HRH2: variants seen among roughly 807,000 people sequenced by gnomAD.
HRH2 encodes histamine H2 receptor.
In HRH2, 4 loss-of-function variants were observed where a neutral mutation model predicts 20.1. The observed-to-expected ratio is 0.20, with a 90% CI of 0.10 to 0.45. HRH2 has a LOEUF of 0.45. Among genes scored for constraint, HRH2 ranks in the 20% least tolerant of loss-of-function variants. HRH2 has a pLI of 0.99. For missense variants in HRH2, 250 were observed against 461.6 expected, an observed-to-expected ratio of 0.54 and a Z score of 4.20; for synonymous variants, 197 against 200.7, an observed-to-expected ratio of 0.98 and a Z score of 0.16.
At chr5:175,699,435 C>T (rs1756721277) in intron 2 of HRH2, among the ~76,000 whole-genome samples, 1 of 152,216 alleles carries the variant, frequency 6.6e-6, no homozygotes, top group African/African-American at 2.4e-5. Flanking sequence ...CTTCCATTTC[C>T]TCTTAAAGGA....
At chr5:175,661,610 G>A (rs1762739788) in intron 1 of HRH2, among the ~76,000 whole-genome samples, 1 of 152,158 alleles carries the variant, frequency 6.6e-6, no homozygotes, top group African/African-American at 2.4e-5. Flanking sequence ...TTTAATCAGG[G>A]ATCACAGAGA....
At chr5:175,685,617 C>A in intron 2 of HRH2, 1 of 722,074 alleles carries the variant, frequency 1.4e-6, no homozygotes, top group Non-Finnish European at 2.4e-6. Context: ...TCAGCTCTGC[C>A]GTCACTCAAC....
chr5:175,698,268 C>T (rs1272581650), intron 2 of HRH2, among the ~76,000 whole-genome samples: 5 of 152,208 alleles, frequency 3.3e-5, no homozygotes, highest in East Asian at 1.9e-4. Flanking sequence ...CTCCGTATCC[C>T]TCGTATTATC....
rs989540130 is a variant in HRH2 at position 175,709,947 on chromosome 5, C to G, written c.*1976C>G. ...GTCACTTCACTCTGGCCCTGCTGTT[C>G]TTTTCCTTTTAGTTTGATTAACTCA... On this transcript the variant is annotated 3_prime_UTR_variant, in exon 3 of 3. Coordinates refer to ENST00000636584, the MANE Select transcript of HRH2 (RefSeq NM_001367711.1). 6.5e-6 allele frequency: 1 copy of G among 152,678 alleles called. No homozygotes were observed. The highest frequency in any genetic ancestry group is 2.4e-5 in the African/African-American group (1 of 41,474). 9.5% of individuals were successfully genotyped at this position (152,678 alleles called of 1,614,324 possible).
At chr5:175,688,440 T>A (rs1480347806) in intron 2 of HRH2, among the ~76,000 whole-genome samples, 2 of 152,034 alleles carry the variant, frequency 1.3e-5, no homozygotes. Context: ...CAGAGCTCAG[T>A]GAGAAGCATT....
At chr5:175,689,361 G>A (rs941917939) in intron 2 of HRH2, among the ~76,000 whole-genome samples, 5 of 144,946 alleles carry the variant, frequency 3.4e-5, no homozygotes, top group Admixed American at 1.4e-4. Flanking sequence ...TTGGTTTAAC[G>A]TCTGCTCCCC....
chr5:175,663,646 G>C (rs1015431730), intron 1 of HRH2, among the ~76,000 whole-genome samples: 1 of 152,110 alleles, frequency 6.6e-6, no homozygotes, highest in African/African-American at 2.4e-5. Context: ...GTTCCCCACC[G>C]GCCCTTTGTA....
At chr5:175,696,397 C>T (rs73339528) in intron 2 of HRH2, among the ~76,000 whole-genome samples, 15,135 of 152,236 alleles carry the variant, frequency 0.099, 1,286 homozygotes, top group African/African-American at 0.23. Context: ...AGGGAGCCCC[C>T]CACTTTGCCG....
At chr5:175,663,411 C>A (rs1209924990) in intron 1 of HRH2, among the ~76,000 whole-genome samples, 1 of 152,198 alleles carries the variant, frequency 6.6e-6, no homozygotes, top group Non-Finnish European at 1.5e-5. Context: ...GGGCTAATGA[C>A]TTTGAGCATC....
In HRH2 at chr5:175,658,869, G is replaced by A. The variant is rs114128332; in HGVS notation, c.-526+714G>A. 2.9e-3 allele frequency among the ~76,000 whole-genome samples: 448 copies of A among 152,330 alleles called. 3 individuals are homozygous for A. The highest frequency in any genetic ancestry group is 0.01 in the African/African-American group (430 of 41,562). ...AGTGACCTTGAGCTTGAGAGCCTCA[G>A]TTTCCTCCTCCATGAACAGGGCCAT... is the stretch of plus-strand genomic sequence containing the variant. On this transcript the variant is annotated intron_variant, in intron 1 of 2. Coordinates refer to ENST00000636584, the MANE Select transcript of HRH2 (RefSeq NM_001367711.1).
At chr5:175,705,410 A>T (rs923469945) in intron 2 of HRH2, among the ~76,000 whole-genome samples, 3 of 152,126 alleles carry the variant, frequency 2.0e-5, no homozygotes, top group African/African-American at 4.8e-5. Context: ...ATGGTAAAAA[A>T]CTCGAAACAA....
intron 1 of HRH2, among the ~76,000 whole-genome samples, chr5:175,664,711 T>C (rs1274091476): frequency 6.6e-6 from 1 of 152,144 alleles, no homozygotes; most frequent in Admixed American, 6.5e-5. Context: ...CACGGCTCAC[T>C]GCAGCCTCGA....
At chr5:175,673,504 G>T (rs1306667856) in intron 1 of HRH2, among the ~76,000 whole-genome samples, 1 of 152,074 alleles carries the variant, frequency 6.6e-6, no homozygotes, top group African/African-American at 2.4e-5. Flanking sequence ...GCAGGTCGGC[G>T]GCTGCCAGGG....
At position 175,678,252 on chromosome 5, in the gene HRH2, C is replaced by T. The variant is rs568411358; in HGVS notation, c.-525-4457C>T. 4.6e-5 allele frequency among the ~76,000 whole-genome samples: 7 copies of T among 152,318 alleles called. No individual in the cohort carries two copies. In the East Asian group the frequency reaches 7.7e-4, roughly 17 times the overall value. ...CAGTCCCCAGCACAGTGTCTTCACC[C>T]GGAAGCTGCTCGGTATGTGTCATGC... On this transcript the variant is annotated intron_variant, in intron 1 of 2. Transcript: ENST00000636584.
chr5:175,708,278 G>A lies in HRH2; in HGVS notation c.*307G>A, dbSNP rs144502790. 1.5e-5 allele frequency: 4 copies of A among 265,558 alleles called. No individual in the cohort carries two copies. The highest frequency in any genetic ancestry group is 1.3e-4 in the East Asian group (2 of 15,212). 16.5% of individuals were successfully genotyped at this position (265,558 alleles called of 1,614,324 possible). ...GAGACGGTGGGACAGACGGGGATGC[G>A]TGCACATGTGTGTGCATGGGTGCAT... is the stretch of plus-strand genomic sequence containing the variant. On this transcript the variant is annotated 3_prime_UTR_variant, in exon 3 of 3. Transcript: ENST00000636584.
intron 2 of HRH2, among the ~76,000 whole-genome samples, chr5:175,700,489 A>T (rs1227591747): frequency 1.3e-5 from 2 of 152,228 alleles, no homozygotes; most frequent in African/African-American, 4.8e-5. Flanking sequence ...ACCCAGGGAC[A>T]TAAGTGCCTC....
At chr5:175,675,448 C>A (rs1755722901) in intron 1 of HRH2, among the ~76,000 whole-genome samples, 1 of 152,260 alleles carries the variant, frequency 6.6e-6, no homozygotes. Flanking sequence ...GCCAATCACA[C>A]AGGGCATAGC....
intron 1 of HRH2, among the ~76,000 whole-genome samples, chr5:175,680,100 T>C (rs1755910957): frequency 6.6e-6 from 1 of 152,214 alleles, no homozygotes; most frequent in Admixed American, 6.5e-5. Context: ...GTGCCGTGGT[T>C]CATTAAACCT....
chr5:175,678,607 T>G (rs1485434884), intron 1 of HRH2, among the ~76,000 whole-genome samples: 8 of 152,254 alleles, frequency 5.3e-5, no homozygotes, highest in African/African-American at 1.9e-4. Flanking sequence ...AGAGTAAGGA[T>G]CAAACCACCT....
Sources: gnomAD v4.1 joint callset for allele counts (sites outside exome capture counted in the v4.1 genomes callset) on GRCh38, gnomAD v4.1.1 for gene constraint, MANE v1.5 for transcripts, NCBI Gene and HGNC (gene_info 2026-07-23, HGNC 2026-07-21) for gene names.